The following UNC13C variants were observed in gnomAD, a reference collection of about 807,000 sequenced individuals.
The protein encoded by UNC13C is protein unc-13 homolog C.
A neutral mutation model predicts 245.4 loss-of-function variants in UNC13C; 174 were observed. The ratio of observed to expected loss-of-function variants is 0.71; its 90% CI spans 0.63 to 0.80. The LOEUF (loss-of-function observed/expected upper bound fraction) is 0.80. Ranked by LOEUF, UNC13C falls within the 30% of genes least tolerant of loss-of-function variation. The probability of loss-of-function intolerance (pLI) is 0.00; values close to 1 mark genes in which losing one functional copy is unlikely to be tolerated. For missense variants in UNC13C, 2,829 were observed against 2,602.9 expected (o/e 1.09, Z -1.89); for synonymous variants, 992 against 895.1 (o/e 1.11, Z -1.93).
chr15:54,463,182 A>C (rs1567296860), intron 19 of UNC13C, among the ~76,000 whole-genome samples: 1 of 146,716 alleles, frequency 6.8e-6, no homozygotes, highest in Non-Finnish European at 1.5e-5. Flanking sequence ...ACCAGTCAGC[A>C]CCCTGTCAAA....
Position 54,046,458 on chromosome 15 carries a change from T to A in UNC13C, c.2983+30572T>A, listed in dbSNP as rs556878623. Reference sequence around the variant, plus strand: ...TGACATATTTCAACGTAATTTTAATTTGCATTTATTTTATTGTGAATGAAA... The same window carrying A: ...TGACATATTTCAACGTAATTTTAATATGCATTTATTTTATTGTGAATGAAA... On this transcript the variant is annotated intron_variant, in intron 2 of 32. Coordinates refer to ENST00000260323, the MANE Select transcript of UNC13C (RefSeq NM_001080534.3). Among the ~76,000 whole-genome samples the A allele has an allele frequency of 1.5e-4, 23 of 152,292 alleles. No homozygotes were observed. In the South Asian group the frequency reaches 4.8e-3, roughly 32 times the overall value.
At chr15:54,586,235 C>T (rs1382839404) in intron 30 of UNC13C, among the ~76,000 whole-genome samples, 1 of 152,202 alleles carries the variant, frequency 6.6e-6, no homozygotes, top group African/African-American at 2.4e-5. Flanking sequence ...TCTTTCCTTA[C>T]TTTTAACATG....
chr15:54,437,731 A>G (rs866451318), intron 19 of UNC13C, among the ~76,000 whole-genome samples: 3 of 151,960 alleles, frequency 2.0e-5, no homozygotes, highest in African/African-American at 7.2e-5. Context: ...TCAAGGTCAC[A>G]CAGGTGGTTA....
intron 2 of UNC13C, among the ~76,000 whole-genome samples, chr15:54,075,476 A>G (rs1474562974): frequency 7.7e-6 from 1 of 130,320 alleles, no homozygotes; most frequent in East Asian, 2.4e-4. Context: ...CGGAGCTTGC[A>G]GTGAGCCGGA....
At chr15:53,908,732 A>C in the UNC13C span, among the ~76,000 whole-genome samples, 3 of 109,056 alleles carry the variant, frequency 2.8e-5, no homozygotes, top group African/African-American at 1.3e-4. Flanking sequence ...AGTCTGGGTG[A>C]CAGAATGAGA....
chr15:54,244,941 T>G (rs2035953275), intron 7 of UNC13C, among the ~76,000 whole-genome samples: 1 of 152,206 alleles, frequency 6.6e-6, no homozygotes, highest in Non-Finnish European at 1.5e-5. Flanking sequence ...CTCTTCCTAT[T>G]TGAATACACT....
intron 17 of UNC13C, among the ~76,000 whole-genome samples, chr15:54,345,050 A>G (rs906785220): frequency 1.2e-4 from 18 of 152,192 alleles, no homozygotes; most frequent in African/African-American, 4.3e-4. Context: ...ACAAAACTCC[A>G]CATGATCTGG....
chr15:54,053,776 C>G (rs1311576631), intron 2 of UNC13C, among the ~76,000 whole-genome samples: 1 of 152,084 alleles, frequency 6.6e-6, no homozygotes, highest in African/African-American at 2.4e-5. Flanking sequence ...TCCCCACATC[C>G]CCTTTCCTAC....
At chr15:54,091,777 G>T (rs1319392382) in intron 2 of UNC13C, among the ~76,000 whole-genome samples, 1 of 151,114 alleles carries the variant, frequency 6.6e-6, no homozygotes, top group African/African-American at 2.4e-5. Context: ...TTTTTTAAGA[G>T]AAATCATTTT....
chr15:54,060,109 T>C (rs1302445483), intron 2 of UNC13C, among the ~76,000 whole-genome samples: 1 of 151,456 alleles, frequency 6.6e-6, no homozygotes, highest in Non-Finnish European at 1.5e-5. Flanking sequence ...AAGCCAAAAT[T>C]GACAGATGGG....
chr15:54,222,111 G>A (rs1006087677), intron 4 of UNC13C, among the ~76,000 whole-genome samples: 3 of 151,832 alleles, frequency 2.0e-5, no homozygotes, highest in South Asian at 2.1e-4. Flanking sequence ...CAAACAATTC[G>A]ATCATACTAT....
At chr15:54,629,983 C>T (rs945712376), downstream of UNC13C, 2 of 152,124 alleles carry the variant, frequency 1.3e-5, no homozygotes, top group African/African-American at 4.8e-5. Context: ...TTCCCGTTGT[C>T]TTCAGAACAA....
Position 54,129,253 on chromosome 15 carries a change from A to G in UNC13C, c.2984-13765A>G, listed in dbSNP as rs74016078. Among the ~76,000 whole-genome samples, 312 of 152,340 alleles carry G rather than the reference A, an allele frequency of 2.0e-3. 2 individuals are homozygous for G. The highest frequency in any genetic ancestry group is 7.3e-3 in the African/African-American group (303 of 41,572). Reference sequence around the variant, plus strand: ...GTAAATACAGCTTGGCCAGATGCGTACATATGTACATACATCCACACTGCT... The same window carrying G: ...GTAAATACAGCTTGGCCAGATGCGTGCATATGTACATACATCCACACTGCT... On this transcript the variant is annotated intron_variant, in intron 2 of 32. Coordinates refer to ENST00000260323, the MANE Select transcript of UNC13C (RefSeq NM_001080534.3).
chr15:54,188,925 G>A lies in UNC13C; in HGVS notation c.3071+45241G>A, dbSNP rs534688209. Among the ~76,000 whole-genome samples the A allele has an allele frequency of 5.3e-5, 8 of 152,118 alleles. No individual in the cohort carries two copies. In the South Asian group the frequency reaches 8.3e-4, roughly 16 times the overall value. ...GCAATCTTACTCTTCCATTGTTACC[G>A]TTTCCAAATTTTCTAGAAACAATGC... is the stretch of plus-strand genomic sequence containing the variant. On this transcript the variant is annotated intron_variant, in intron 4 of 32. Transcript: ENST00000260323.
At chr15:53,989,868 C>T (rs1255464087) in intron 1 of UNC13C, among the ~76,000 whole-genome samples, 1 of 151,998 alleles carries the variant, frequency 6.6e-6, no homozygotes, top group African/African-American at 2.4e-5. Context: ...TGCAATAGTT[C>T]GGCATCTCAG....
chr15:54,304,218 G>A (rs1278076939), intron 13 of UNC13C, among the ~76,000 whole-genome samples: 2 of 151,990 alleles, frequency 1.3e-5, no homozygotes, highest in African/African-American at 2.4e-5. Flanking sequence ...ACAGAAACTC[G>A]GAATTTGGTC....
At chr15:54,338,619 C>T in intron 17 of UNC13C, 130 bp downstream of exon 17, 1 of 1,009,374 alleles carries the variant, frequency 9.9e-7, no homozygotes, top group Non-Finnish European at 1.4e-6. Flanking sequence ...TTGAGAATTT[C>T]CATACCTTTT....
At chr15:53,915,047 C>T in the UNC13C span, among the ~76,000 whole-genome samples, 7 of 152,146 alleles carry the variant, frequency 4.6e-5, no homozygotes, top group African/African-American at 7.2e-5. Context: ...TGAATTATTT[C>T]ACTAAAGAGA....
chr15:54,296,391 T>TTTTTTTTTTTTTTTTG (rs529076917), intron 11 of UNC13C, among the ~76,000 whole-genome samples: 128 of 137,844 alleles, frequency 9.3e-4, no homozygotes, highest in Middle Eastern at 3.7e-3. Flanking sequence ...TTATTTTTTT[T>TTTTTTTTTTTTTTTTG]TATTTTTTAG....
Sources: allele counts gnomAD v4.1 joint callset (sites outside exome capture counted in the v4.1 genomes callset), GRCh38; gene constraint gnomAD v4.1.1; transcripts MANE v1.5; gene names NCBI Gene and HGNC (gene_info 2026-07-23, HGNC 2026-07-21).